Variants in PCDHA7 observed in about 807,000 individuals in gnomAD.
PCDHA7 encodes the protein protocadherin alpha-7.
A neutral mutation model predicts 57.2 loss-of-function variants in PCDHA7; 37 were observed. The ratio of observed to expected loss-of-function variants is 0.65; its 90% CI spans 0.50 to 0.85. The LOEUF is 0.85. Among genes scored for constraint, PCDHA7 ranks in the 40% least tolerant of loss-of-function variants. The pLI, the probability that PCDHA7 is intolerant of heterozygous loss-of-function variation, is 0.00. For missense variants in PCDHA7, 1,188 were observed against 1,241.8 expected, an observed-to-expected ratio of 0.96 and a Z score of 0.65; for synonymous variants, 553 against 558.8, an observed-to-expected ratio of 0.99 and a Z score of 0.15.
chr5:140,841,313 C>T (rs2150313348), intron 1 of PCDHA7: 2 of 1,587,144 alleles, frequency 1.3e-6, no homozygotes, highest in Non-Finnish European at 8.6e-7. Context: ...TAGGAAACGA[C>T]TATTTAACAT....
At chr5:140,873,770 C>T (rs1316613523) in intron 1 of PCDHA7, among the ~76,000 whole-genome samples, 1 of 151,400 alleles carries the variant, frequency 6.6e-6, no homozygotes, top group Non-Finnish European at 1.5e-5. Context: ...AAGCAATTCT[C>T]CTGCCTCAGC....
chr5:140,892,826 C>T (rs1554185388), intron 1 of PCDHA7, among the ~76,000 whole-genome samples: 1 of 152,166 alleles, frequency 6.6e-6, no homozygotes, highest in Non-Finnish European at 1.5e-5. Flanking sequence ...TACAGTGCTA[C>T]AGTGCTGCAA....
intron 1 of PCDHA7, among the ~76,000 whole-genome samples, chr5:140,847,026 G>T (rs1780819031): frequency 6.7e-6 from 1 of 149,736 alleles, no homozygotes; most frequent in Non-Finnish European, 1.5e-5. Flanking sequence ...TTCTTGGAAA[G>T]AGAAAACATA....
chr5:140,969,586 C>A lies in PCDHA7; in HGVS notation c.2356-9363C>A. The A allele has an allele frequency of 3.4e-6, 3 of 894,952 alleles. No homozygotes were observed. In the Admixed American group the frequency reaches 9.0e-5, roughly 27 times the overall value. The allele number at this position is 894,952 out of a possible 1,614,324, so 55.4% of individuals were successfully genotyped here. A position where few individuals can be genotyped will look rare whatever the true frequency, so the allele number is the denominator to read the frequency against. ...AATTGTTTGAGAAGTGAGGATTAGT[C>A]TTAATATTTAATGCTAAAACACAGA... On this transcript the variant is annotated intron_variant, in intron 1 of 3. Transcript: ENST00000525929.
In PCDHA7 at chr5:140,835,933, T is replaced by C. The variant is rs1774056119; in HGVS notation, c.1550T>C (p.Val517Ala). The C allele has an allele frequency of 6.2e-7, 1 of 1,612,410 alleles. No homozygotes were observed. The highest frequency in any genetic ancestry group is 8.5e-7 in the Non-Finnish European group (1 of 1,179,636). Residue 517 changes from valine to alanine, a missense_variant, in exon 1 of 4, where the codon GTG becomes GCG. By Grantham distance (64) the Val-to-Ala change is moderately conservative. Around this residue, in one of 3 missense-constraint regions of PCDHA7, gnomAD observed 892 missense variants for 788.5 expected, o/e 1.13. Transcript: ENST00000525929. ...TCAGTGCACGCGGAGAGCGGCAAGGTGTACGCGCTGCAGCCGTTGGACCAC... is the reference window on the plus strand; with the variant it reads ...TCAGTGCACGCGGAGAGCGGCAAGGCGTACGCGCTGCAGCCGTTGGACCAC... ...YVSVHAESGK[V>A]YALQPLDHEE...
At chr5:140,995,963 A>G (rs2097706042) in intron 3 of PCDHA7, among the ~76,000 whole-genome samples, 1 of 152,234 alleles carries the variant, frequency 6.6e-6, no homozygotes, top group Non-Finnish European at 1.5e-5. Context: ...AATGCTTAGA[A>G]CCATGCTTAG....
In PCDHA7 at chr5:140,834,507, G is replaced by A. The variant is rs139562115; in HGVS notation, c.124G>A (p.Gly42Ser). ...CTCGGTCCCCGAGGAGGCTAAACAT[G>A]GCAACTTCGTGGGCCGCATCGCGCA... ...HYSVPEEAKHGNFVGRIAQDL... is the reference protein window; with the variant it reads ...HYSVPEEAKHSNFVGRIAQDL... The change falls in exon 1 of 4, where the codon GGC becomes AGC. Residue 42 changes from glycine (G) to serine (S), a missense_variant. Coordinates refer to ENST00000525929, the MANE Select transcript of PCDHA7 (RefSeq NM_018910.3). 1.2e-6 allele frequency: 2 copies of A among 1,614,136 alleles called. No homozygotes were observed. The highest frequency in any genetic ancestry group is 1.1e-5 in the South Asian group (1 of 91,084).
chr5:140,955,049 G>T (rs2095130069), intron 1 of PCDHA7, among the ~76,000 whole-genome samples: 1 of 152,130 alleles, frequency 6.6e-6, no homozygotes, highest in Admixed American at 6.6e-5. Context: ...CTCATTGCTT[G>T]TTTTTGTCAG....
At chr5:140,850,541 G>A (rs1554144490) in intron 1 of PCDHA7, 2 of 1,598,272 alleles carry the variant, frequency 1.3e-6, no homozygotes, top group Non-Finnish European at 1.7e-6. Flanking sequence ...CGTCGCGGGC[G>A]TCAGTGGGTG....
intron 1 of PCDHA7, among the ~76,000 whole-genome samples, chr5:140,912,449 A>G (rs2075925716): frequency 6.6e-6 from 1 of 151,398 alleles, no homozygotes; most frequent in South Asian, 2.1e-4. Flanking sequence ...GTGTGCATTG[A>G]TTTTGTATCC....
At chr5:140,841,736 A>G in intron 1 of PCDHA7, 1 of 1,613,716 alleles carries the variant, frequency 6.2e-7, no homozygotes, top group Non-Finnish European at 8.5e-7. Context: ...AAAAGACCAA[A>G]AGCTGTTTGT....
intron 1 of PCDHA7, chr5:140,841,941 C>T (rs2150325943): frequency 1.3e-5 from 21 of 1,613,918 alleles, no homozygotes; most frequent in Non-Finnish European, 1.8e-5. Context: ...GACGCTCCTG[C>T]GCACCACTTA....
chr5:140,838,723 T>C (rs1554137164), intron 1 of PCDHA7, among the ~76,000 whole-genome samples: 3 of 151,910 alleles, frequency 2.0e-5, no homozygotes, highest in South Asian at 4.1e-4. Flanking sequence ...ATTGCTTCAG[T>C]CTAGTAGTTT....
chr5:140,883,575 G>C (rs782472492), intron 1 of PCDHA7: 87 of 1,613,954 alleles, frequency 5.4e-5, no homozygotes, highest in Non-Finnish European at 7.4e-5. Context: ...CCTTCGCTGT[G>C]GGCCACGGCC....
At chr5:140,989,363 T>A (rs2097339689) in intron 3 of PCDHA7, among the ~76,000 whole-genome samples, 1 of 152,158 alleles carries the variant, frequency 6.6e-6, no homozygotes, top group Non-Finnish European at 1.5e-5. Flanking sequence ...GTCACCTGTG[T>A]GACTGAGAGC....
intron 3 of PCDHA7, among the ~76,000 whole-genome samples, chr5:141,007,992 C>T (rs1215200964): frequency 1.3e-5 from 2 of 152,132 alleles, no homozygotes; most frequent in Admixed American, 6.5e-5. Context: ...ATGAAATGTA[C>T]ATGTTAATAA....
In PCDHA7 at chr5:140,942,596, A is replaced by T. The variant is rs116159999; in HGVS notation, c.2356-36353A>T. On this transcript the variant is annotated intron_variant, in intron 1 of 3. Coordinates refer to ENST00000525929, the MANE Select transcript of PCDHA7 (RefSeq NM_018910.3). ...CCCATATAGGATGTCACATATAATT[A>T]TAGTGTTTATATTTGCCAATTGTAA... 7.0e-3 allele frequency among the ~76,000 whole-genome samples: 992 copies of T among 142,408 alleles called. 16 individuals carry two copies. Among genetic ancestry groups the T allele is most frequent in the African/African-American group, 0.025 (912 of 36,952 alleles). 93.4% of individuals were successfully genotyped at this position (142,408 alleles called of 152,430 possible).
At chr5:140,885,267 C>CAT (rs1219745687) in intron 1 of PCDHA7, among the ~76,000 whole-genome samples, 1 of 151,978 alleles carries the variant, frequency 6.6e-6, no homozygotes, top group East Asian at 1.9e-4. Context: ...ATTACTCATA[C>CAT]ATATATATAT....
chr5:140,870,944 CG>C, intron 1 of PCDHA7: 1 of 1,613,658 alleles, frequency 6.2e-7, no homozygotes, highest in Non-Finnish European at 8.5e-7. Flanking sequence ...CAGCCGGCGG[CG>C]GGCGGCTCGC....
Sources: allele counts gnomAD v4.1 joint callset (sites outside exome capture counted in the v4.1 genomes callset), GRCh38; gene constraint gnomAD v4.1.1; regional missense constraint gnomAD v4.1.1; transcripts MANE v1.5; gene names NCBI Gene and HGNC (gene_info 2026-07-23, HGNC 2026-07-21).